The following ZNF652 variants were observed in gnomAD, a reference collection of about 807,000 sequenced individuals.
ZNF652 encodes the protein zinc finger protein 652.
ZNF652 carries 16 observed loss-of-function variants against 45.2 expected under a neutral mutation model. The ratio of observed to expected loss-of-function variants is 0.35; its 90% CI spans 0.24 to 0.54. The LOEUF (loss-of-function observed/expected upper bound fraction) is 0.54, where lower values mean the gene tolerates loss of function less well. Among genes scored for constraint, ZNF652 ranks in the 20% least tolerant of loss-of-function variants. The probability of loss-of-function intolerance (pLI) is 0.91; values close to 1 mark genes in which losing one functional copy is unlikely to be tolerated. For missense variants in ZNF652, 614 were observed against 765.6 expected, an observed-to-expected ratio of 0.80 and a Z score of 2.34; for synonymous variants, 250 against 260.6, an observed-to-expected ratio of 0.96 and a Z score of 0.39.
chr17:49,342,649 CAT>C (rs895767079), intron 1 of ZNF652, among the ~76,000 whole-genome samples: 17 of 148,724 alleles, frequency 1.1e-4, no homozygotes, highest in South Asian at 4.3e-4. Context: ...TATGAACACA[CAT>C]GTGTATCATA....
chr17:49,314,080 A>G (rs1299097115), intron 2 of ZNF652, among the ~76,000 whole-genome samples: 2 of 151,396 alleles, frequency 1.3e-5, no homozygotes, highest in African/African-American at 2.4e-5. Context: ...TATTTCCTCA[A>G]ATCTAATTTA....
chr17:49,296,438 G>A lies in ZNF652; in HGVS notation c.*1975C>T, dbSNP rs2069478527. On this transcript the variant is annotated 3_prime_UTR_variant, in exon 6 of 6. Transcript: ENST00000430262. ...AGAGTTCATTTTTTCTTACCACAGA[G>A]CTCATTAGTTAGAAAAGTGCTCGAA... 1 of 152,454 alleles carries A rather than the reference G, an allele frequency of 6.6e-6. No individual in the cohort carries two copies. Among genetic ancestry groups the A allele is most frequent in the African/African-American group, 2.4e-5 (1 of 41,388 alleles). The allele number at this position is 152,454 out of a possible 1,614,324, so 9.4% of individuals were successfully genotyped here. A position where few individuals can be genotyped will look rare whatever the true frequency, so the allele number is the denominator to read the frequency against.
At chr17:49,341,594 G>C (rs1043585152) in intron 1 of ZNF652, among the ~76,000 whole-genome samples, 5 of 151,820 alleles carry the variant, frequency 3.3e-5, no homozygotes, top group Non-Finnish European at 5.9e-5. Context: ...AGCCAGGGAG[G>C]TCAAGGCTCC....
intron 5 of ZNF652, among the ~76,000 whole-genome samples, chr17:49,306,024 A>G (rs1030760720): frequency 1.3e-5 from 2 of 152,182 alleles, no homozygotes; most frequent in East Asian, 3.8e-4. Context: ...TAAAACCAGC[A>G]TTTCTCCTGC....
chr17:49,325,754 G>A (rs1347322742), intron 1 of ZNF652, among the ~76,000 whole-genome samples: 6 of 152,076 alleles, frequency 3.9e-5, no homozygotes, highest in African/African-American at 7.2e-5. Context: ...ACCAGGAGGC[G>A]GAGGCTGTAG....
rs987287173 is a variant in ZNF652 at position 49,298,245 on chromosome 17, G to A, written c.*168C>T. The A allele has an allele frequency of 2.6e-5, 22 of 834,682 alleles. No individual in the cohort carries two copies. In the African/African-American group the frequency reaches 3.6e-4, roughly 14 times the overall value. 51.7% of individuals were successfully genotyped at this position (834,682 alleles called of 1,614,324 possible). On this transcript the variant is annotated 3_prime_UTR_variant, in exon 6 of 6. Coordinates refer to ENST00000430262, the MANE Select transcript of ZNF652 (RefSeq NM_001145365.3). ...GATGACAGTCCCTCTGTGAGCTCAA[G>A]GTAGTCTTCTTGTTCATTCCCTTGG...
In ZNF652 at chr17:49,346,909, G is replaced by A. The variant is rs77268685; in HGVS notation, c.-259+15000C>T. Among the ~76,000 whole-genome samples the A allele has an allele frequency of 5.0e-3, 761 of 152,278 alleles. 6 individuals carry two copies. The highest frequency in any genetic ancestry group is 0.016 in the African/African-American group (669 of 41,556). On this transcript the variant is annotated intron_variant, in intron 1 of 5. Transcript: ENST00000430262. ...GATATTTCCCACTAAAAGGAAACAGGGCAGGGAATGTATGAGTTTGGAATA... is the reference window on the plus strand; with the variant it reads ...GATATTTCCCACTAAAAGGAAACAGAGCAGGGAATGTATGAGTTTGGAATA...
Position 49,311,978 on chromosome 17 carries a change from T to C in ZNF652, c.1113A>G (p.Ser371=). 6.2e-7 allele frequency: 1 copy of C among 1,613,986 alleles called. No individual in the cohort carries two copies. The highest frequency in any genetic ancestry group is 1.1e-5 in the South Asian group (1 of 91,072). The change falls in exon 4 of 6, where the codon TCA becomes TCG. Residue 371 remains serine (S), a synonymous_variant. Transcript: ENST00000430262. ...TCGKSFKRSM[S]LKVHSLQHSG... is the part of the protein sequence containing the mutation. ...AATGCTGCAAGGAGTGCACCTTGAG[T>C]GACATACTGCGTTTGAATGATTTTC...
chr17:49,305,040 T>C (rs1406854489), intron 5 of ZNF652, among the ~76,000 whole-genome samples: 1 of 152,106 alleles, frequency 6.6e-6, no homozygotes, highest in African/African-American at 2.4e-5. Context: ...TTAAATTCAT[T>C]ATCCCATCTA....
intron 1 of ZNF652, among the ~76,000 whole-genome samples, chr17:49,360,869 T>G (rs1014791956): frequency 9.2e-5 from 14 of 151,900 alleles, no homozygotes; most frequent in Admixed American, 9.2e-4. Flanking sequence ...TCTAATCAAC[T>G]GGGAAAAAAG....
At chr17:49,315,277 G>A (rs1045204061) in intron 2 of ZNF652, among the ~76,000 whole-genome samples, 16 of 150,264 alleles carry the variant, frequency 1.1e-4, no homozygotes, top group East Asian at 6.0e-4. Flanking sequence ...CTGACCTCAC[G>A]TGATCCACCT....
At chr17:49,347,735 GTTTTGTTTT>G (rs1224965058) in intron 1 of ZNF652, among the ~76,000 whole-genome samples, 1 of 124,408 alleles carries the variant, frequency 8.0e-6, no homozygotes, top group Non-Finnish European at 1.6e-5. Context: ...TTGAACCTTG[GTTTTGTTTT>G]TTTTTTTTTT....
chr17:49,300,538 C>G (rs1357986269), intron 5 of ZNF652, among the ~76,000 whole-genome samples: 3 of 152,162 alleles, frequency 2.0e-5, no homozygotes, highest in African/African-American at 7.2e-5. Flanking sequence ...AAATAAAATC[C>G]TTTATGATTC....
intron 1 of ZNF652, among the ~76,000 whole-genome samples, chr17:49,352,446 C>T (rs550674726): frequency 9.9e-5 from 15 of 152,210 alleles, no homozygotes; most frequent in South Asian, 6.2e-4. Context: ...GAGCCTAGTA[C>T]CCAGATTCTT....
intron 2 of ZNF652, 88 bp from the exon 3 acceptor site, chr17:49,312,933 T>C: frequency 4.4e-6 from 6 of 1,365,884 alleles, no homozygotes; most frequent in Non-Finnish European, 6.0e-6. Flanking sequence ...GTGCTTTAGG[T>C]TCATGGCACA....
intron 1 of ZNF652, among the ~76,000 whole-genome samples, chr17:49,334,363 A>C (rs1415540842): frequency 6.6e-6 from 1 of 152,116 alleles, no homozygotes; most frequent in African/African-American, 2.4e-5. Flanking sequence ...GCACATTTGT[A>C]GTCCTAGCCA....
chr17:49,312,589 T>C (rs1434443454), intron 3 of ZNF652, 109 bp downstream of exon 3: 4 of 1,240,224 alleles, frequency 3.2e-6, no homozygotes, highest in East Asian at 2.4e-5. Context: ...AGTTTCAACA[T>C]GTCAAAACTG....
At chr17:49,300,687 T>C (rs1377600265) in intron 5 of ZNF652, among the ~76,000 whole-genome samples, 1 of 152,182 alleles carries the variant, frequency 6.6e-6, no homozygotes, top group Non-Finnish European at 1.5e-5. Context: ...TCTCTTCACA[T>C]TAACTCCTGC....
At chr17:49,361,118 G>GTGAGTGTA (rs2070387814) in intron 1 of ZNF652, 1 of 152,358 alleles carries the variant, frequency 6.6e-6, no homozygotes, top group African/African-American at 2.4e-5. Flanking sequence ...CAGGAAGTGA[G>GTGAGTGTA]TGAGTGTATG....
Sources: gnomAD v4.1 joint callset for allele counts (sites outside exome capture counted in the v4.1 genomes callset) on GRCh38, gnomAD v4.1.1 for gene constraint, MANE v1.5 for transcripts, NCBI Gene and HGNC (gene_info 2026-07-23, HGNC 2026-07-21) for gene names.